KIF5B: variants seen among roughly 807,000 people sequenced by gnomAD.
The protein encoded by KIF5B is kinesin family member 5B, also known as kinesin-1 heavy chain.
A neutral mutation model predicts 132.8 loss-of-function variants in KIF5B; 49 were observed. The observed-to-expected ratio is 0.37, with a 90% CI of 0.29 to 0.47. The LOEUF (loss-of-function observed/expected upper bound fraction) is 0.47. KIF5B is among the 20% of genes least tolerant of loss of function. The probability of loss-of-function intolerance (pLI) is 1.00; values close to 1 mark genes in which losing one functional copy is unlikely to be tolerated. For missense variants in KIF5B, 780 were observed against 1,144.0 expected (o/e 0.68, Z 4.59); for synonymous variants, 355 against 369.4 (o/e 0.96, Z 0.45).
intron 13 of KIF5B, 77 bp downstream of exon 13, chr10:32,032,629 A>T: frequency 8.9e-7 from 1 of 1,118,932 alleles, no homozygotes. Flanking sequence ...TACAACTATT[A>T]AAGACAAAGT....
intron 1 of KIF5B, among the ~76,000 whole-genome samples, chr10:32,051,231 G>C (rs1363724957): frequency 6.6e-6 from 1 of 152,158 alleles, no homozygotes; most frequent in African/African-American, 2.4e-5. Context: ...GCTAATTTTT[G>C]TATTTTTAGT....
At chr10:32,048,429 T>C (rs769726091) in intron 2 of KIF5B, 35 bp downstream of exon 2, 7 of 1,359,992 alleles carry the variant, frequency 5.1e-6, no homozygotes, top group South Asian at 1.2e-5. Flanking sequence ...TATTTACTTA[T>C]TGCTGAGACA....
At chr10:32,031,602 A>G (rs1213719014) in intron 13 of KIF5B, among the ~76,000 whole-genome samples, 8 of 152,186 alleles carry the variant, frequency 5.3e-5, no homozygotes, top group African/African-American at 1.9e-4. Flanking sequence ...GTAATACAGG[A>G]AAGAGTATTC....
intron 9 of KIF5B, 103 bp from the exon 10 acceptor site, chr10:32,035,770 C>T (rs1841453704): frequency 7.6e-7 from 1 of 1,310,660 alleles, no homozygotes; most frequent in African/African-American, 1.5e-5. Flanking sequence ...GATTCAAACA[C>T]ATTGAATCTC....
intron 25 of KIF5B, among the ~76,000 whole-genome samples, chr10:32,015,109 T>A (rs1841140903): frequency 6.7e-6 from 1 of 149,414 alleles, no homozygotes; most frequent in African/African-American, 2.5e-5. Flanking sequence ...GCGACAAGAG[T>A]GAGATTCCAT....
At chr10:32,038,706 T>C (rs1423223291) in intron 5 of KIF5B, 72 bp downstream of exon 5, 4 of 891,582 alleles carry the variant, frequency 4.5e-6, no homozygotes, top group South Asian at 3.2e-5. Context: ...TACAAAGAAA[T>C]AGTCTCACAT....
chr10:32,023,080 C>G, intron 15 of KIF5B, 44 bp from the exon 16 acceptor site: 1 of 1,190,332 alleles, frequency 8.4e-7, no homozygotes, highest in Non-Finnish European at 1.2e-6. Context: ...CAAAAATGTT[C>G]AATGTGTGTT....
intron 20 of KIF5B, among the ~76,000 whole-genome samples, chr10:32,019,268 T>C (rs541858475): frequency 6.6e-6 from 1 of 152,244 alleles, no homozygotes; most frequent in Admixed American, 6.5e-5. Context: ...AGAATCTTCA[T>C]ATAATCCACT....
chr10:32,034,723 A>C lies in KIF5B; in HGVS notation c.1078T>G (p.Trp360Gly). The C allele has an allele frequency of 6.2e-7, 1 of 1,604,520 alleles. No individual in the cohort carries two copies. The highest frequency in any genetic ancestry group is 1.1e-5 in the South Asian group (1 of 89,218). The part of the protein sequence containing the change: ...KNKILRNTIQ[W>G]LENELNRWRN... ...CATCTGTTGAGCTCATTTTCAAGCCACTGAATAGTGTTCCGCAGGATCTTA... is the reference window on the plus strand; with the variant it reads ...CATCTGTTGAGCTCATTTTCAAGCCCCTGAATAGTGTTCCGCAGGATCTTA... The change falls in exon 11 of 26, where the codon TGG (tryptophan) becomes GGG (glycine). Residue 360 changes from tryptophan to glycine, a missense_variant. This residue lies in a region of KIF5B where 471 missense variants were observed against 569.9 expected (regional missense o/e 0.83). Transcript: ENST00000302418.
rs1841293705 is a variant in KIF5B, at chr10:32,023,616, A to G, written c.1726-580T>C. Among the ~76,000 whole-genome samples, 3 of 152,356 alleles carry G rather than the reference A, an allele frequency of 2.0e-5. No homozygotes were observed. The South Asian group carries it at 6.2e-4, about 32-fold the overall frequency. On this transcript the variant is annotated intron_variant, in intron 15 of 25. Transcript: ENST00000302418. Reference sequence around the variant, plus strand: ...AAACAAAGTCACAGGACTTGACACTATGCAACTTACTGTAAAGCTATAATA... The same window carrying G: ...AAACAAAGTCACAGGACTTGACACTGTGCAACTTACTGTAAAGCTATAATA...
chr10:32,023,432 T>C (rs1564464310), intron 15 of KIF5B, among the ~76,000 whole-genome samples: 1 of 152,196 alleles, frequency 6.6e-6, no homozygotes, highest in Non-Finnish European at 1.5e-5. Flanking sequence ...AGAGGATGTT[T>C]AGGTGGCAGG....
At chr10:32,017,965 C>T (rs148095426) in intron 23 of KIF5B, 87 bp downstream of exon 23, 4 of 622,632 alleles carry the variant, frequency 6.4e-6, no homozygotes, top group Non-Finnish European at 1.1e-5. Flanking sequence ...TTCCTGAGGA[C>T]TCTGAAAGAT....
In KIF5B at chr10:32,056,082, A is replaced by T; in HGVS notation, c.-109T>A. 7.3e-7 allele frequency: 1 copy of T among 1,374,372 alleles called. No individual in the cohort carries two copies. The highest frequency in any genetic ancestry group is 2.5e-5 in the East Asian group (1 of 40,594). The allele number at this position is 1,374,372 out of a possible 1,614,324, so 85.1% of individuals were successfully genotyped here. ...GGTCGCGAGGGCCGTGAGAGGCAGC[A>T]GTCAGCTGCGCCGCGCTGCGCTTCC... is the stretch of plus-strand genomic sequence containing the variant. On this transcript the variant is annotated 5_prime_UTR_variant, in exon 1 of 26. Transcript: ENST00000302418.
In KIF5B at chr10:32,009,086, G is replaced by A. The variant is rs1425289946; in HGVS notation, c.*2451C>T. The A allele has an allele frequency of 1.3e-5, 2 of 151,992 alleles. No homozygotes were observed. The highest frequency in any genetic ancestry group is 1.9e-4 in the East Asian group (1 of 5,192). 9.4% of individuals were successfully genotyped at this position (151,992 alleles called of 1,614,324 possible). A position where few individuals can be genotyped will look rare whatever the true frequency, so the allele number is the denominator to read the frequency against. ...CATGCAAGTTAACTTAAAATTAAAC[G>A]GTGTCTTCCCAAACCAAGTATTTGT... On this transcript the variant is annotated 3_prime_UTR_variant, in exon 26 of 26. Coordinates refer to ENST00000302418, the MANE Select transcript of KIF5B (RefSeq NM_004521.3).
At chr10:32,016,470 A>T (rs1564461928) in intron 24 of KIF5B, among the ~76,000 whole-genome samples, 1 of 152,056 alleles carries the variant, frequency 6.6e-6, no homozygotes, top group Non-Finnish European at 1.5e-5. Context: ...AAACAAGCAA[A>T]AAATAAATAA....
chr10:32,025,442 C>G (rs1841322603), intron 15 of KIF5B, among the ~76,000 whole-genome samples: 1 of 152,200 alleles, frequency 6.6e-6, no homozygotes, highest in African/African-American at 2.4e-5. Flanking sequence ...GTGGTACCAT[C>G]TTGGCTCACT....
intron 11 of KIF5B, 124 bp downstream of exon 11, chr10:32,034,566 T>C: frequency 3.1e-6 from 2 of 642,288 alleles, no homozygotes; most frequent in Non-Finnish European, 4.7e-6. Context: ...TTTTTAAAAA[T>C]TATTTCGATG....
At chr10:32,049,992 A>T (rs1236385998) in intron 1 of KIF5B, among the ~76,000 whole-genome samples, 1 of 152,158 alleles carries the variant, frequency 6.6e-6, no homozygotes, top group Non-Finnish European at 1.5e-5. Context: ...CAATTTTAAT[A>T]ATCTAGGAGA....
rs576130019 is a variant in KIF5B at position 32,040,346 on chromosome 10, T to C, written c.288+38A>G. ...TCACAAATAATGAATGCTGTATGTATTGCAAACCACATCTAAGTACAGATT... is the reference window on the plus strand; with the variant it reads ...TCACAAATAATGAATGCTGTATGTACTGCAAACCACATCTAAGTACAGATT... On this transcript the variant is annotated intron_variant, in intron 3 of 25. Coordinates refer to ENST00000302418, the MANE Select transcript of KIF5B (RefSeq NM_004521.3). 5.7e-6 allele frequency: 7 copies of C among 1,218,212 alleles called. No homozygotes were observed. In the African/African-American group the frequency reaches 5.9e-5, roughly 10 times the overall value. 75.5% of individuals were successfully genotyped at this position (1,218,212 alleles called of 1,614,324 possible). A position where few individuals can be genotyped will look rare whatever the true frequency, so the allele number is the denominator to read the frequency against.
Sources: gnomAD v4.1 joint callset for allele counts (sites outside exome capture counted in the v4.1 genomes callset) on GRCh38, gnomAD v4.1.1 for gene constraint, gnomAD v4.1.1 regional missense constraint, MANE v1.5 for transcripts, NCBI Gene and HGNC (gene_info 2026-07-23, HGNC 2026-07-21) for gene names.